Variants in ZNF335 observed in about 807,000 individuals in gnomAD.
ZNF335 encodes zinc finger protein 335.
In ZNF335, 84 loss-of-function variants were observed where a neutral mutation model predicts 145.6. The observed-to-expected ratio is 0.58, with a 90% confidence interval of 0.48 to 0.69. The LOEUF (loss-of-function observed/expected upper bound fraction) is 0.69, where lower values mean the gene tolerates loss of function less well. ZNF335 is among the 30% of genes least tolerant of loss of function. The probability of loss-of-function intolerance (pLI) is 0.00; values close to 1 mark genes in which losing one functional copy is unlikely to be tolerated. For missense variants in ZNF335, 1,865 were observed against 1,809.7 expected, an observed-to-expected ratio of 1.03 and a Z score of -0.55; for synonymous variants, 761 against 717.0, an observed-to-expected ratio of 1.06 and a Z score of -0.98.
rs568753667 is a variant in ZNF335 at position 45,958,352 on chromosome 20, C to T, written c.2254-424G>A. On this transcript the variant is annotated intron_variant, in intron 15 of 27. Transcript: ENST00000322927. Reference sequence around the variant, plus strand: ...ATGGGCCACCATGCCCAGCCCATAACCAGTTTTCAAAATATACGAGCTCAG... The same window carrying T: ...ATGGGCCACCATGCCCAGCCCATAATCAGTTTTCAAAATATACGAGCTCAG... Among the ~76,000 whole-genome samples, 8 of 152,302 alleles carry T rather than the reference C, an allele frequency of 5.3e-5. No individual in the cohort carries two copies. The South Asian group carries it at 1.7e-3, about 32-fold the overall frequency.
At chr20:45,958,473 CTG>C (rs1210387194) in intron 15 of ZNF335, among the ~76,000 whole-genome samples, 4 of 152,344 alleles carry the variant, frequency 2.6e-5, no homozygotes, top group Admixed American at 2.6e-4. Context: ...GAACCCATGA[CTG>C]TGTGATTCCA....
chr20:45,949,021 G>A lies in ZNF335; in HGVS notation c.3961C>T (p.Pro1321Ser), dbSNP rs748836237. The change falls in exon 28 of 28, where the codon CCC becomes TCC. Residue 1321 changes from proline to serine, a missense_variant. By Grantham distance (74) the Pro-to-Ser change is moderately conservative. Transcript: ENST00000322927. ...TGCTGCAGCTGTTGAATGTGTTCGGGCACTGTCTCGTCTGTACCAAACAGG... is the reference window on the plus strand; with the variant it reads ...TGCTGCAGCTGTTGAATGTGTTCGGACACTGTCTCGTCTGTACCAAACAGG... ...QGLFGTDETV[P>S]EHIQQLQHQG... The A allele has an allele frequency of 1.2e-6, 2 of 1,613,912 alleles. No individual in the cohort carries two copies. The highest frequency in any genetic ancestry group is 1.7e-5 in the Admixed American group (1 of 60,028).
intron 18 of ZNF335, among the ~76,000 whole-genome samples, chr20:45,953,039 C>G (rs535848801): frequency 1.9e-4 from 29 of 152,332 alleles, no homozygotes; most frequent in African/African-American, 6.7e-4. Flanking sequence ...GTGGAGGAGG[C>G]AGGGCTAACG....
chr20:45,971,766 C>T (rs1234851347), intron 1 of ZNF335: 3 of 985,318 alleles, frequency 3.0e-6, no homozygotes, highest in Non-Finnish European at 3.6e-6. Context: ...AGTGGTTCAG[C>T]CCTTCGGCCC....
At chr20:45,955,334 G>C (rs1216399811) in intron 17 of ZNF335, among the ~76,000 whole-genome samples, 6 of 69,820 alleles carry the variant, frequency 8.6e-5, no homozygotes, top group Non-Finnish European at 1.3e-4. Context: ...TTGGGCAACA[G>C]AGCAAGACTC....
intron 17 of ZNF335, among the ~76,000 whole-genome samples, chr20:45,957,324 C>T (rs1353342863): frequency 1.3e-5 from 2 of 152,152 alleles, no homozygotes; most frequent in Admixed American, 6.5e-5. Context: ...CCCCAGATGC[C>T]GCAGGGGCAG....
intron 20 of ZNF335, among the ~76,000 whole-genome samples, chr20:45,951,743 A>C (rs2083635622): frequency 6.6e-6 from 1 of 152,164 alleles, no homozygotes; most frequent in Non-Finnish European, 1.5e-5. Flanking sequence ...GATGACTACC[A>C]GTCTATGGCC....
intron 17 of ZNF335, among the ~76,000 whole-genome samples, chr20:45,955,350 C>CAAAAAAAA (rs61555698): frequency 0.011 from 394 of 37,322 alleles, 100 homozygotes; most frequent in African/African-American, 0.038. Context: ...GACTCTGTCT[C>CAAAAAAAA]AAAAAAAAAA....
Position 45,967,502 on chromosome 20 carries a change from T to G in ZNF335, c.947A>C (p.Asp316Ala), listed in dbSNP as rs2083976934. 2 of 1,613,988 alleles carry G rather than the reference T, an allele frequency of 1.2e-6. No individual in the cohort carries two copies. The highest frequency in any genetic ancestry group is 1.7e-6 in the Non-Finnish European group (2 of 1,179,992). Residue 316 changes from aspartate to alanine, a missense_variant, in exon 6 of 28, where the codon GAC (aspartate) becomes GCC (alanine). Physicochemically the swap from Asp to Ala is moderately radical, Grantham distance 126. Transcript: ENST00000322927. ...DDIVDAGAID[D>A]LEEDSDYNPA... ...AAACCATGGTGGCCTACCCTCCAGG[T>G]CATCAATGGCTCCAGCGTCTACAAT... is the stretch of plus-strand genomic sequence containing the variant.
At chr20:45,962,603 G>C (rs984710306) in intron 9 of ZNF335, among the ~76,000 whole-genome samples, 4 of 152,132 alleles carry the variant, frequency 2.6e-5, no homozygotes, top group Admixed American at 6.5e-5. Context: ...ACCGTGCCCG[G>C]AAGTACCCTC....
chr20:45,960,444 T>C lies in ZNF335; in HGVS notation c.1859+5A>G. 1.9e-6 allele frequency: 3 copies of C among 1,614,182 alleles called. No individual in the cohort carries two copies. Among genetic ancestry groups the C allele is most frequent in the East Asian group, 2.2e-5 (1 of 44,874 alleles). ...CCGTCCCCAGGGGCCTCCAAGGGGA[T>C]GTACCTGCGGTTGGCAACAGCCTGG... On this transcript the variant is annotated splice_donor_5th_base_variant and intron_variant, in intron 13 of 27. Coordinates refer to ENST00000322927, the MANE Select transcript of ZNF335 (RefSeq NM_022095.4).
intron 14 of ZNF335, 70 bp downstream of exon 14, chr20:45,960,138 G>A (rs1277307182): frequency 3.2e-6 from 5 of 1,559,826 alleles, no homozygotes; most frequent in African/African-American, 1.4e-5. Context: ...GAGGATGGGA[G>A]CTAAGCCTCT....
intron 15 of ZNF335, 137 bp downstream of exon 15, chr20:45,959,064 G>A (rs771907781): frequency 1.2e-5 from 8 of 642,454 alleles, no homozygotes; most frequent in Non-Finnish European, 1.6e-5. Flanking sequence ...CTTAGGGCTG[G>A]CATATGTGTG....
At position 45,948,769 on chromosome 20, in the gene ZNF335, T is replaced by G; in HGVS notation, c.*184A>C. The G allele has an allele frequency of 3.4e-6, 3 of 880,062 alleles. No homozygotes were observed. Among genetic ancestry groups the G allele is most frequent in the Non-Finnish European group, 5.2e-6 (3 of 580,054 alleles). 54.5% of individuals were successfully genotyped at this position (880,062 alleles called of 1,614,324 possible). Reference sequence around the variant, plus strand: ...TGCCTGCAGGCTGGGGCACCCAGCATGTCCTGGCTGGGGCCCATGGCTGCC... The same window carrying G: ...TGCCTGCAGGCTGGGGCACCCAGCAGGTCCTGGCTGGGGCCCATGGCTGCC... On this transcript the variant is annotated 3_prime_UTR_variant, in exon 28 of 28. Coordinates refer to ENST00000322927, the MANE Select transcript of ZNF335 (RefSeq NM_022095.4).
In ZNF335 at chr20:45,948,776, G is replaced by A. The variant is rs1255989012; in HGVS notation, c.*177C>T. The stretch of plus-strand genomic sequence containing the variant: ...AGGCTGGGGCACCCAGCATGTCCTG[G>A]CTGGGGCCCATGGCTGCCCCTAACC... On this transcript the variant is annotated 3_prime_UTR_variant, in exon 28 of 28. Coordinates refer to ENST00000322927, the MANE Select transcript of ZNF335 (RefSeq NM_022095.4). 1.3e-5 allele frequency: 13 copies of A among 980,394 alleles called. No individual in the cohort carries two copies. The highest frequency in any genetic ancestry group is 1.8e-5 in the Non-Finnish European group (12 of 664,572). The allele number at this position is 980,394 out of a possible 1,614,324, so 60.7% of individuals were successfully genotyped here. A position where few individuals can be genotyped will look rare whatever the true frequency, so the allele number is the denominator to read the frequency against.
intron 17 of ZNF335, among the ~76,000 whole-genome samples, chr20:45,955,340 G>C (rs1368558564): frequency 1.0e-4 from 1 of 9,578 alleles, no homozygotes; most frequent in Non-Finnish European, 4.2e-4. Context: ...AACAGAGCAA[G>C]ACTCTGTCTC....
rs765035424 is a variant in ZNF335 at position 45,950,567 on chromosome 20, C to T, written c.3218G>A (p.Arg1073Gln). 9.9e-6 allele frequency: 16 copies of T among 1,613,946 alleles called. No individual in the cohort carries two copies. Among genetic ancestry groups the T allele is most frequent in the Admixed American group, 1.7e-5 (1 of 60,010 alleles). The change falls in exon 21 of 28, where the codon CGG becomes CAG. Residue 1073 changes from arginine (R) to glutamine (Q), a missense_variant. Physicochemically the swap from Arg to Gln is conservative, Grantham distance 43 (BLOSUM62 1). Coordinates refer to ENST00000322927, the MANE Select transcript of ZNF335 (RefSeq NM_022095.4). ...RAHMAQHSSL[R>Q]PHQCSQCSFA... ...GCTGCACTGGCTACACTGGTGGGGC[C>T]GTAGGCTTGAGTGCTGTGCCATGTG...
chr20:45,969,596 C>A lies in ZNF335; in HGVS notation c.297G>T (p.Val99=). Residue 99 remains valine (V), a synonymous_variant, in exon 3 of 28, where the codon GTG becomes GTT. Transcript: ENST00000322927. The part of the protein sequence containing the change: ...SSVSHGPVAG[V]TGGPPALVHS... ...GCACAAGTGCTGGGGGACCGCCTGTCACCCCTGCCACTGGCCCATGAGACA... is the reference window on the plus strand; with the variant it reads ...GCACAAGTGCTGGGGGACCGCCTGTAACCCCTGCCACTGGCCCATGAGACA... 6.2e-7 allele frequency: 1 copy of A among 1,606,606 alleles called. No homozygotes were observed.
At chr20:45,963,283 C>T (rs914105092) in intron 9 of ZNF335, among the ~76,000 whole-genome samples, 190 bp downstream of exon 9, 2 of 152,216 alleles carry the variant, frequency 1.3e-5, no homozygotes, top group African/African-American at 2.4e-5. Context: ...AGCCCCTCCC[C>T]ACATTCCCGC....
Sources: allele counts gnomAD v4.1 joint callset (sites outside exome capture counted in the v4.1 genomes callset), GRCh38; gene constraint gnomAD v4.1.1; transcripts MANE v1.5; gene names NCBI Gene and HGNC (gene_info 2026-07-23, HGNC 2026-07-21).